The following FMN1 variants were observed in gnomAD, a reference collection of about 807,000 sequenced individuals.
FMN1 encodes the protein formin 1, also known as formin-1.
A neutral mutation model predicts 132.4 loss-of-function variants in FMN1; 110 were observed. The observed-to-expected ratio is 0.83, with a 90% CI of 0.71 to 0.97. The LOEUF is 0.97. FMN1 is among the 50% of genes least tolerant of loss of function. The pLI, the probability that FMN1 is intolerant of heterozygous loss-of-function variation, is 0.00. For synonymous variants in FMN1, 722 were observed against 651.7 expected, an observed-to-expected ratio of 1.11 and a Z score of -1.64; for missense variants, 1,792 against 1,705.3, an observed-to-expected ratio of 1.05 and a Z score of -0.90.
At chr15:32,883,300 T>C (rs1207816453) in intron 16 of FMN1, among the ~76,000 whole-genome samples, 1 of 151,884 alleles carries the variant, frequency 6.6e-6, no homozygotes, top group African/African-American at 2.4e-5. Flanking sequence ...CCCAGGAAAT[T>C]TGAGACTAGC....
intron 15 of FMN1, among the ~76,000 whole-genome samples, chr15:32,896,572 T>A (rs568535355): frequency 6.6e-6 from 1 of 152,236 alleles, no homozygotes; most frequent in African/African-American, 2.4e-5. Context: ...TCCTCAATTC[T>A]CCATTTCCCC....
At chr15:32,886,515 T>C (rs889024412) in intron 16 of FMN1, among the ~76,000 whole-genome samples, 4 of 152,216 alleles carry the variant, frequency 2.6e-5, no homozygotes, top group Non-Finnish European at 5.9e-5. Context: ...GGGGGAACCC[T>C]TGTCTCTCTG....
chr15:33,158,078 C>T (rs1054255898), intron 3 of FMN1, among the ~76,000 whole-genome samples: 3 of 151,968 alleles, frequency 2.0e-5, no homozygotes, highest in Admixed American at 6.6e-5. Context: ...TAAAGTGCTG[C>T]TCCCTAAGGT....
intron 5 of FMN1, chr15:33,066,906 T>A: frequency 1.2e-6 from 2 of 1,613,944 alleles, no homozygotes; most frequent in Non-Finnish European, 8.5e-7. Flanking sequence ...TTCTCACTCT[T>A]CACTGTCTGC....
At chr15:33,117,825 G>A (rs566181463) in intron 4 of FMN1, among the ~76,000 whole-genome samples, 3 of 152,274 alleles carry the variant, frequency 2.0e-5, no homozygotes, top group Admixed American at 6.5e-5. Context: ...AGCATACTCA[G>A]GACCATGTAG....
chr15:32,823,165 T>TTTTTTTTTG (rs1567224839), intron 17 of FMN1, among the ~76,000 whole-genome samples: 1 of 92,608 alleles, frequency 1.1e-5, no homozygotes, highest in African/African-American at 3.4e-5. Context: ...TTTTTTTTTT[T>TTTTTTTTTG]TTTTTTTTTT....
intron 7 of FMN1, among the ~76,000 whole-genome samples, chr15:32,987,700 T>C (rs1036699916): frequency 6.6e-6 from 1 of 151,222 alleles, no homozygotes; most frequent in Non-Finnish European, 1.5e-5. Flanking sequence ...TTCTTCTGAA[T>C]CACTTTTTTA....
chr15:33,045,001 G>A (rs2036611986), intron 6 of FMN1, among the ~76,000 whole-genome samples: 1 of 152,202 alleles, frequency 6.6e-6, no homozygotes, highest in Admixed American at 6.5e-5. Flanking sequence ...GGGTGACAAG[G>A]AGGAGAGAAA....
At position 33,154,806 on chromosome 15, in the gene FMN1, T is replaced by G; in HGVS notation, c.109A>C (p.Thr37Pro). 1 of 1,536,180 alleles carries G rather than the reference T, an allele frequency of 6.5e-7. No individual in the cohort carries two copies. Among genetic ancestry groups the G allele is most frequent in the Non-Finnish European group, 8.7e-7 (1 of 1,146,922 alleles). ...TTATTGGATCTGTCTAGAGTTACAGTGCCCTTGTATGAAAATCCTCTGACT... is the reference window on the plus strand; with the variant it reads ...TTATTGGATCTGTCTAGAGTTACAGGGCCCTTGTATGAAAATCCTCTGACT... The part of the protein sequence containing the change: ...GEVRGFSYKG[T>P]VTLDRSNKGF... Residue 37 changes from threonine (T) to proline (P), a missense_variant, in exon 4 of 21, where the codon ACT (threonine) becomes CCT (proline). Coordinates refer to ENST00000616417, the MANE Select transcript of FMN1 (RefSeq NM_001277313.2).
At position 33,005,048 on chromosome 15, in the gene FMN1, G is replaced by A. The variant is rs8031743; in HGVS notation, c.2223+2966C>T. 5.4e-3 allele frequency among the ~76,000 whole-genome samples: 818 copies of A among 152,222 alleles called. 5 individuals carry two copies. The highest frequency in any genetic ancestry group is 0.019 in the African/African-American group (793 of 41,534). On this transcript the variant is annotated intron_variant, in intron 7 of 20. Transcript: ENST00000616417. ...ACACCAGGGACTGTTGTGGGGTGGG[G>A]GTAGCGGGGAGGGATAGCATTAGGA...
At chr15:32,828,075 T>C (rs1354493848) in intron 17 of FMN1, among the ~76,000 whole-genome samples, 1 of 152,172 alleles carries the variant, frequency 6.6e-6, no homozygotes, top group African/African-American at 2.4e-5. Flanking sequence ...GGTGGATCAC[T>C]TGAGGTTGGG....
At chr15:32,820,346 G>C (rs901219105) in intron 17 of FMN1, among the ~76,000 whole-genome samples, 2 of 152,150 alleles carry the variant, frequency 1.3e-5, no homozygotes, top group East Asian at 1.9e-4. Context: ...TGCAAAGAGA[G>C]AGGCTTTAAT....
At chr15:33,017,288 C>T (rs574482463) in intron 6 of FMN1, among the ~76,000 whole-genome samples, 1 of 151,954 alleles carries the variant, frequency 6.6e-6, no homozygotes, top group Non-Finnish European at 1.5e-5. Flanking sequence ...CAGTACAGAG[C>T]CAATTCTAAT....
At chr15:33,159,853 G>A (rs1392957634) in intron 3 of FMN1, among the ~76,000 whole-genome samples, 2 of 152,188 alleles carry the variant, frequency 1.3e-5, no homozygotes, top group Non-Finnish European at 2.9e-5. Context: ...AAACTCTGAG[G>A]GAGGAGAACA....
chr15:33,015,614 T>A (rs1243938605), intron 6 of FMN1, among the ~76,000 whole-genome samples: 1 of 152,186 alleles, frequency 6.6e-6, no homozygotes, highest in Non-Finnish European at 1.5e-5. Context: ...GATCTACTCC[T>A]ACCCGCGGAT....
At chr15:32,967,710 T>C (rs2031373362) in intron 8 of FMN1, among the ~76,000 whole-genome samples, 1 of 152,200 alleles carries the variant, frequency 6.6e-6, no homozygotes. Context: ...ATGAAGCACA[T>C]ATGCTTAGTT....
At chr15:33,046,964 TCTGGCAAA>T (rs2036716391) in intron 6 of FMN1, among the ~76,000 whole-genome samples, 1 of 152,188 alleles carries the variant, frequency 6.6e-6, no homozygotes, top group Admixed American at 6.5e-5. Context: ...TTCAAGCCAG[TCTGGCAAA>T]CTGGTCAGTA....
chr15:32,776,196 G>C (rs376780671), intron 20 of FMN1, among the ~76,000 whole-genome samples: 1 of 152,140 alleles, frequency 6.6e-6, no homozygotes, highest in African/African-American at 2.4e-5. Context: ...TTTCATTCTC[G>C]GCATCCTGGG....
intron 9 of FMN1, among the ~76,000 whole-genome samples, chr15:32,926,684 G>A (rs1253874006): frequency 6.6e-6 from 1 of 152,140 alleles, no homozygotes; most frequent in Non-Finnish European, 1.5e-5. Flanking sequence ...GTGATTTAGG[G>A]GAAAAAGCAT....
Sources: gnomAD v4.1 joint callset for allele counts (sites outside exome capture counted in the v4.1 genomes callset) on GRCh38, gnomAD v4.1.1 for gene constraint, MANE v1.5 for transcripts, NCBI Gene and HGNC (gene_info 2026-07-23, HGNC 2026-07-21) for gene names.